The following ITPK1 variants were observed in gnomAD, a reference collection of about 807,000 sequenced individuals.
ITPK1 encodes the protein inositol-tetrakisphosphate 1-kinase.
ITPK1 carries 21 observed loss-of-function variants against 45.3 expected under a neutral mutation model. The ratio of observed to expected loss-of-function variants is 0.46; its 90% confidence interval spans 0.33 to 0.67. ITPK1 has a LOEUF of 0.67. ITPK1 is among the 30% of genes least tolerant of loss of function. ITPK1 has a pLI of 0.02. For missense variants in ITPK1, 474 were observed against 573.5 expected, an observed-to-expected ratio of 0.83 and a Z score of 1.77; for synonymous variants, 258 against 253.6, an observed-to-expected ratio of 1.02 and a Z score of -0.16.
intron 4 of ITPK1, among the ~76,000 whole-genome samples, chr14:93,005,105 C>A (rs901953052): frequency 1.3e-5 from 2 of 151,708 alleles, no homozygotes; most frequent in Non-Finnish European, 1.5e-5. Context: ...TATGGAGTGA[C>A]CAGTCCAGCA....
chr14:92,951,209 T>C (rs1171669169), intron 9 of ITPK1, among the ~76,000 whole-genome samples: 1 of 152,264 alleles, frequency 6.6e-6, no homozygotes, highest in African/African-American at 2.4e-5. Context: ...GCTGGCTCTC[T>C]GGACTTCGGG....
intron 2 of ITPK1, among the ~76,000 whole-genome samples, chr14:93,089,481 G>A (rs760228424): frequency 1.2e-4 from 18 of 152,282 alleles, no homozygotes; most frequent in East Asian, 7.7e-4. Flanking sequence ...TGAGCACCCC[G>A]TGACAAGAAG....
At chr14:93,088,340 TG>T (rs1247654530) in intron 2 of ITPK1, among the ~76,000 whole-genome samples, 28 of 144,590 alleles carry the variant, frequency 1.9e-4, no homozygotes, top group African/African-American at 4.1e-4. Context: ...GGTTTTGTTT[TG>T]TTTTTTTTTT....
intron 2 of ITPK1, among the ~76,000 whole-genome samples, chr14:93,104,462 CA>C (rs35034223): frequency 0.16 from 23,520 of 145,822 alleles, 2,186 homozygotes; most frequent in South Asian, 0.28. Context: ...AACTCCATCT[CA>C]AAAAAAAAAA....
At chr14:93,059,600 G>A (rs1240170098) in intron 3 of ITPK1, among the ~76,000 whole-genome samples, 1 of 28,244 alleles carries the variant, frequency 3.5e-5, no homozygotes. Context: ...AGGGGGTGCG[G>A]GTCACGAGGC....
intron 2 of ITPK1, among the ~76,000 whole-genome samples, chr14:93,100,291 C>T (rs2140021386): frequency 6.6e-6 from 1 of 152,254 alleles, no homozygotes; most frequent in African/African-American, 2.4e-5. Context: ...CAGCTCTGCC[C>T]CTACCAGCTG....
At chr14:93,040,899 G>A (rs544923366) in intron 3 of ITPK1, among the ~76,000 whole-genome samples, 13 of 152,212 alleles carry the variant, frequency 8.5e-5, no homozygotes, top group African/African-American at 2.6e-4. Context: ...CCTCACCAAG[G>A]CCCCGTCTTC....
At position 92,938,161 on chromosome 14, in the gene ITPK1, T is replaced by C. The variant is rs1887202299; in HGVS notation, c.*3400A>G. 1.0e-5 allele frequency: 4 copies of C among 393,266 alleles called. No homozygotes were observed. Among genetic ancestry groups the C allele is most frequent in the Non-Finnish European group, 9.1e-6 (2 of 218,746 alleles). The allele number at this position is 393,266 out of a possible 1,614,324, so 24.4% of individuals were successfully genotyped here. A position where few individuals can be genotyped will look rare whatever the true frequency, so the allele number is the denominator to read the frequency against. ...TTTTAGTAGAGATGGGGTTTCACCA[T>C]GTTGGCCAGGATGGTGTCGATCTCT... On this transcript the variant is annotated 3_prime_UTR_variant, in exon 11 of 11. Coordinates refer to ENST00000267615, the MANE Select transcript of ITPK1 (RefSeq NM_014216.6).
At position 93,076,640 on chromosome 14, in the gene ITPK1, A is replaced by T. The variant is rs1035273545; in HGVS notation, c.96-21T>A. 2 of 1,613,988 alleles carry T rather than the reference A, an allele frequency of 1.2e-6. No homozygotes were observed. The highest frequency in any genetic ancestry group is 1.7e-6 in the Non-Finnish European group (2 of 1,179,950). On this transcript the variant is annotated intron_variant, in intron 2 of 10. Coordinates refer to ENST00000267615, the MANE Select transcript of ITPK1 (RefSeq NM_014216.6). This position sits in a 1 kb window ranked among gnomAD's most constrained non-coding sequence, Gnocchi z 4.3. ...GCTTCCTGTGGAGAAAAACAAAGAAAACAAGCGTTACTCCAGCAGGCTGGA... is the reference window on the plus strand; with the variant it reads ...GCTTCCTGTGGAGAAAAACAAAGAATACAAGCGTTACTCCAGCAGGCTGGA...
chr14:92,962,442 C>T (rs759987080), intron 6 of ITPK1, 47 bp from the exon 7 acceptor site: 3 of 1,315,380 alleles, frequency 2.3e-6, no homozygotes, highest in Admixed American at 3.4e-5. Context: ...TGAGGCCGTT[C>T]ACCCACAAGG....
In ITPK1 at chr14:92,941,134, C is replaced by T. The variant is rs1310161944; in HGVS notation, c.*427G>A. On this transcript the variant is annotated 3_prime_UTR_variant, in exon 11 of 11. Coordinates refer to ENST00000267615, the MANE Select transcript of ITPK1 (RefSeq NM_014216.6). The stretch of plus-strand genomic sequence containing the variant: ...TCAGGCAGAAGGGAAGCCACTCTCA[C>T]ATGCACCGATCAGCCTCCCACAGCC... The T allele has an allele frequency of 1.2e-5, 14 of 1,209,262 alleles. No homozygotes were observed. Among genetic ancestry groups the T allele is most frequent in the Non-Finnish European group, 1.5e-5 (14 of 956,336 alleles). The allele number at this position is 1,209,262 out of a possible 1,614,324, so 74.9% of individuals were successfully genotyped here. A position where few individuals can be genotyped will look rare whatever the true frequency, so the allele number is the denominator to read the frequency against.
At chr14:92,990,886 T>C (rs1194489532) in intron 5 of ITPK1, among the ~76,000 whole-genome samples, 2 of 152,010 alleles carry the variant, frequency 1.3e-5, no homozygotes, top group Non-Finnish European at 2.9e-5. Context: ...TCTGGTCGTC[T>C]CCCTCCCACT....
At position 93,032,595 on chromosome 14, in the gene ITPK1, G is replaced by A. The variant is rs376311923; in HGVS notation, c.121-15794C>T. Among the ~76,000 whole-genome samples, 8 of 152,296 alleles carry A rather than the reference G, an allele frequency of 5.3e-5. No homozygotes were observed. Among genetic ancestry groups the A allele is most frequent in the African/African-American group, 1.7e-4 (7 of 41,556 alleles). On this transcript the variant is annotated intron_variant, in intron 3 of 10. Coordinates refer to ENST00000267615, the MANE Select transcript of ITPK1 (RefSeq NM_014216.6). This position sits in a 1 kb window ranked among gnomAD's most constrained non-coding sequence, Gnocchi z 4.0. The stretch of plus-strand genomic sequence containing the variant: ...GGGAGAATTCCAGAGAATGCTGCCA[G>A]GTCACAGAAATTTACTGACCCACAT...
At chr14:92,972,905 C>T (rs1885731005) in intron 5 of ITPK1, among the ~76,000 whole-genome samples, 3 of 152,320 alleles carry the variant, frequency 2.0e-5, no homozygotes, top group Middle Eastern at 6.8e-3. Flanking sequence ...TCTGACCGCA[C>T]AACCCAAGAT....
In ITPK1 at chr14:93,076,927, T is replaced by TCC. The variant is rs1358022484; in HGVS notation, c.96-310_96-309dup. 1.3e-5 allele frequency among the ~76,000 whole-genome samples: 2 copies of TCC among 151,776 alleles called. No individual in the cohort carries two copies. Among genetic ancestry groups the TCC allele is most frequent in the African/African-American group, 2.4e-5 (1 of 41,298 alleles). On this transcript the variant is annotated intron_variant, in intron 2 of 10. Transcript: ENST00000267615. The surrounding 1 kb of genome is among the most constrained non-coding windows in gnomAD (Gnocchi z 4.3). ...GTCAGCCGAGCTCCAGCCTGGGTCG[T>TCC]CCCAAGGCCCCTGCCACCAAGTTCA...
chr14:92,983,450 T>C lies in ITPK1; in HGVS notation c.364+10430A>G, dbSNP rs541852885. Among the ~76,000 whole-genome samples the C allele has an allele frequency of 1.8e-3, 278 of 152,284 alleles. 3 individuals carry two copies. Among genetic ancestry groups the C allele is most frequent in the African/African-American group, 6.5e-3 (272 of 41,560 alleles). Reference sequence around the variant, plus strand: ...ACATTCATGAACCCGTCCACAATTTTTAACAATGGGACAATTTTCTTCATA... The same window carrying C: ...ACATTCATGAACCCGTCCACAATTTCTAACAATGGGACAATTTTCTTCATA... On this transcript the variant is annotated intron_variant, in intron 5 of 10. Coordinates refer to ENST00000267615, the MANE Select transcript of ITPK1 (RefSeq NM_014216.6).
At chr14:93,067,034 C>CT (rs1890786381) in intron 3 of ITPK1, among the ~76,000 whole-genome samples, 1 of 152,206 alleles carries the variant, frequency 6.6e-6, no homozygotes, top group African/African-American at 2.4e-5. Context: ...GGATCACACT[C>CT]TGAGTAGCAA....
Position 93,016,693 on chromosome 14 carries a change from G to T in ITPK1, c.229C>A (p.Leu77Met). 1.2e-6 allele frequency: 2 copies of T among 1,614,122 alleles called. No homozygotes were observed. Among genetic ancestry groups the T allele is most frequent in the Non-Finnish European group, 1.7e-6 (2 of 1,179,994 alleles). Residue 77 changes from leucine (L) to methionine (M), a missense_variant, in exon 4 of 11, where the codon CTG (leucine) becomes ATG (methionine). Transcript: ENST00000267615. This position sits in a 1 kb window ranked among gnomAD's most constrained non-coding sequence, Gnocchi z 5.0. ...ADQNDSQSLE[L>M]VHRFQEYIDA... Reference sequence around the variant, plus strand: ...TCACTCACCTGGAACCTGTGCACCAGCTCCAGGGACTGGCTATCATTCTGG... The same window carrying T: ...TCACTCACCTGGAACCTGTGCACCATCTCCAGGGACTGGCTATCATTCTGG...
rs778407231 is a variant in ITPK1, at chr14:93,014,169, G to A, written c.246+2507C>T. Among the ~76,000 whole-genome samples, 10 of 152,108 alleles carry A rather than the reference G, an allele frequency of 6.6e-5. No individual in the cohort carries two copies. The highest frequency in any genetic ancestry group is 1.0e-4 in the Non-Finnish European group (7 of 68,026). ...TGCTGGGAGGTTATGGTGAGGTCACGGCAACCATCCCCCAAGACCCAGACA... is the reference window on the plus strand; with the variant it reads ...TGCTGGGAGGTTATGGTGAGGTCACAGCAACCATCCCCCAAGACCCAGACA... On this transcript the variant is annotated intron_variant, in intron 4 of 10. Coordinates refer to ENST00000267615, the MANE Select transcript of ITPK1 (RefSeq NM_014216.6). The surrounding 1 kb of genome is among the most constrained non-coding windows in gnomAD (Gnocchi z 4.4).
Sources: gnomAD v4.1 joint callset for allele counts (sites outside exome capture counted in the v4.1 genomes callset) on GRCh38, gnomAD v4.1.1 for gene constraint, Gnocchi (gnomAD v3.1) non-coding constraint, MANE v1.5 for transcripts, NCBI Gene and HGNC (gene_info 2026-07-23, HGNC 2026-07-21) for gene names.